MDGA2: variants seen among roughly 807,000 people sequenced by gnomAD.
MDGA2 encodes MAM domain containing glycosylphosphatidylinositol anchor 2, also known as MAM domain-containing glycosylphosphatidylinositol anchor protein 2.
A neutral mutation model predicts 117.8 loss-of-function variants in MDGA2; 40 were observed. The ratio of observed to expected loss-of-function variants is 0.34; its 90% CI spans 0.26 to 0.44. The LOEUF is 0.44. MDGA2 is among the 20% of genes least tolerant of loss of function. The pLI is 1.00. For synonymous variants in MDGA2, 452 were observed against 439.0 expected (o/e 1.03, Z -0.37); for missense variants, 1,123 against 1,250.6 (o/e 0.90, Z 1.54).
intron 1 of MDGA2, among the ~76,000 whole-genome samples, chr14:47,459,095 C>T (rs1893426270): frequency 6.6e-6 from 1 of 151,846 alleles, no homozygotes; most frequent in Non-Finnish European, 1.5e-5. Flanking sequence ...TTCTACTGTT[C>T]TGCAGAACAT....
At chr14:46,956,064 A>G (rs1040161079) in intron 9 of MDGA2, among the ~76,000 whole-genome samples, 3 of 152,114 alleles carry the variant, frequency 2.0e-5, no homozygotes, top group Non-Finnish European at 2.9e-5. Context: ...AGACTAGCTA[A>G]TATTACATTT....
At chr14:47,072,357 G>A (rs1228112019) in intron 6 of MDGA2, among the ~76,000 whole-genome samples, 1 of 152,074 alleles carries the variant, frequency 6.6e-6, no homozygotes, top group Non-Finnish European at 1.5e-5. Context: ...AAAATATTTT[G>A]CGTTCAATTG....
At chr14:47,407,167 G>T (rs542380215) in intron 1 of MDGA2, among the ~76,000 whole-genome samples, 1 of 152,170 alleles carries the variant, frequency 6.6e-6, no homozygotes, top group East Asian at 1.9e-4. Context: ...GTGCATTATA[G>T]GCTAAAACCT....
intron 1 of MDGA2, among the ~76,000 whole-genome samples, chr14:47,359,757 A>AG (rs1891074906): frequency 6.6e-6 from 1 of 151,362 alleles, no homozygotes; most frequent in African/African-American, 2.4e-5. Context: ...TCAAAAAAAA[A>AG]AAAAAAAAAG....
chr14:47,607,171 A>G (rs928667988), intron 1 of MDGA2, among the ~76,000 whole-genome samples: 1 of 152,208 alleles, frequency 6.6e-6, no homozygotes, highest in African/African-American at 2.4e-5. Flanking sequence ...ACACTTTAGC[A>G]GAACACAAAT....
intron 2 of MDGA2, among the ~76,000 whole-genome samples, chr14:47,273,033 C>A (rs747370600): frequency 6.6e-6 from 1 of 152,008 alleles, no homozygotes; most frequent in East Asian, 1.9e-4. Flanking sequence ...CAGGGGATGA[C>A]GCTGGCCACG....
chr14:47,021,769 T>C (rs1443380308), intron 8 of MDGA2, among the ~76,000 whole-genome samples: 2 of 152,146 alleles, frequency 1.3e-5, no homozygotes, highest in African/African-American at 2.4e-5. Flanking sequence ...AAGCCCTTTA[T>C]TTGCATAGAA....
At chr14:46,842,488 A>G (rs931022026) in intron 16 of MDGA2, among the ~76,000 whole-genome samples, 2 of 152,220 alleles carry the variant, frequency 1.3e-5, no homozygotes, top group Admixed American at 6.5e-5. Flanking sequence ...TATTGCAACT[A>G]GTAGATGATC....
intron 3 of MDGA2, among the ~76,000 whole-genome samples, chr14:47,189,004 A>G (rs1400019043): frequency 6.6e-6 from 1 of 152,158 alleles, no homozygotes; most frequent in Non-Finnish European, 1.5e-5. Flanking sequence ...TGTCTGTATA[A>G]TACTCTAAGC....
chr14:47,204,122 T>C (rs1885601489), intron 3 of MDGA2, among the ~76,000 whole-genome samples: 1 of 152,024 alleles, frequency 6.6e-6, no homozygotes, highest in Non-Finnish European at 1.5e-5. Flanking sequence ...ATTAATTTTT[T>C]ATGCATACTA....
chr14:47,053,585 C>T (rs1480277252), intron 7 of MDGA2, among the ~76,000 whole-genome samples: 2 of 140,206 alleles, frequency 1.4e-5, no homozygotes, highest in Admixed American at 7.4e-5. Context: ...GTAGCAAATA[C>T]TCCTAGTGTG....
intron 1 of MDGA2, among the ~76,000 whole-genome samples, chr14:47,442,251 CTGTTT>C (rs1893028213): frequency 6.6e-6 from 1 of 152,264 alleles, no homozygotes; most frequent in South Asian, 2.1e-4. Context: ...TATTGAGTGT[CTGTTT>C]AGTGTCAGGT....
At chr14:47,574,944 T>G (rs917262586) in intron 1 of MDGA2, among the ~76,000 whole-genome samples, 5 of 152,290 alleles carry the variant, frequency 3.3e-5, no homozygotes, top group Middle Eastern at 3.4e-3. Context: ...CCCTCTATCT[T>G]CTATCATTAA....
At chr14:47,303,587 T>C (rs183745874) in intron 1 of MDGA2, among the ~76,000 whole-genome samples, 13 of 152,254 alleles carry the variant, frequency 8.5e-5, no homozygotes, top group African/African-American at 2.6e-4. Context: ...GTACTTATTT[T>C]TAGGCATCTG....
At chr14:47,515,488 C>T (rs926176023) in intron 1 of MDGA2, among the ~76,000 whole-genome samples, 14 of 152,164 alleles carry the variant, frequency 9.2e-5, no homozygotes, top group South Asian at 2.1e-4. Context: ...CTGATTCTTC[C>T]GGAATCTTCA....
At chr14:47,307,169 G>A (rs572714510) in intron 1 of MDGA2, among the ~76,000 whole-genome samples, 1 of 152,196 alleles carries the variant, frequency 6.6e-6, no homozygotes, top group South Asian at 2.1e-4. Flanking sequence ...GTACTTCAAG[G>A]ATATGGTGGC....
At chr14:47,206,449 G>A (rs1345730992) in intron 3 of MDGA2, among the ~76,000 whole-genome samples, 1 of 151,678 alleles carries the variant, frequency 6.6e-6, no homozygotes, top group Non-Finnish European at 1.5e-5. Context: ...AAAATAGCCT[G>A]GCATGTTGGC....
intron 9 of MDGA2, among the ~76,000 whole-genome samples, chr14:46,933,348 A>C (rs1884650897): frequency 6.6e-6 from 1 of 152,028 alleles, no homozygotes. Flanking sequence ...TCTTTAAAAA[A>C]ATTTTTTTTT....
chr14:47,621,519 C>G (rs1479497341), intron 1 of MDGA2, among the ~76,000 whole-genome samples: 1 of 152,136 alleles, frequency 6.6e-6, no homozygotes, highest in Non-Finnish European at 1.5e-5. Context: ...ATTCTTGCCT[C>G]TTTTCATGTA....
Sources: gnomAD v4.1 joint callset for allele counts (sites outside exome capture counted in the v4.1 genomes callset) on GRCh38, gnomAD v4.1.1 for gene constraint, MANE v1.5 for transcripts, NCBI Gene and HGNC (gene_info 2026-07-23, HGNC 2026-07-21) for gene names.